The following KAZN variants were observed in gnomAD, a reference collection of about 807,000 sequenced individuals.
The protein encoded by KAZN is kazrin.
KAZN carries 40 observed loss-of-function variants against 87.4 expected under a neutral mutation model. The ratio of observed to expected loss-of-function variants is 0.46; its 90% CI spans 0.36 to 0.60. KAZN has a LOEUF of 0.60. KAZN is among the 20% of genes least tolerant of loss of function. KAZN has a pLI of 0.00. For synonymous variants in KAZN, 466 were observed against 458.3 expected (o/e 1.02, Z -0.22); for missense variants, 898 against 1,073.9 (o/e 0.84, Z 2.29).
intron 2 of KAZN, among the ~76,000 whole-genome samples, chr1:14,204,760 G>A (rs940024376): frequency 2.6e-5 from 4 of 152,322 alleles, no homozygotes; most frequent in Admixed American, 6.5e-5. Context: ...ATGTAGAGTC[G>A]CAAAGTTATG....
intron 1 of KAZN, among the ~76,000 whole-genome samples, chr1:14,055,887 G>A (rs1642531812): frequency 6.6e-6 from 1 of 152,130 alleles, no homozygotes; most frequent in African/African-American, 2.4e-5. Context: ...CAATGTCTGG[G>A]GGAAAAATGC....
At chr1:14,096,386 G>T (rs1299748058) in intron 1 of KAZN, among the ~76,000 whole-genome samples, 1 of 152,148 alleles carries the variant, frequency 6.6e-6, no homozygotes, top group Non-Finnish European at 1.5e-5. Flanking sequence ...ACCTCCCGGG[G>T]GCTTAAGAGT....
At chr1:14,951,992 G>C (rs996173249) in intron 1 of KAZN, among the ~76,000 whole-genome samples, 14 of 152,166 alleles carry the variant, frequency 9.2e-5, no homozygotes, top group Non-Finnish European at 1.9e-4. Flanking sequence ...ACCTGGGCTT[G>C]ATCCCGTGCC....
At chr1:14,466,168 C>T (rs971262433) in intron 2 of KAZN, among the ~76,000 whole-genome samples, 1 of 152,152 alleles carries the variant, frequency 6.6e-6, no homozygotes, top group Non-Finnish European at 1.5e-5. Flanking sequence ...CACATGACTA[C>T]ACAAGAATTA....
chr1:14,409,873 C>A (rs889103635), intron 2 of KAZN, among the ~76,000 whole-genome samples: 2 of 152,102 alleles, frequency 1.3e-5, no homozygotes, highest in Non-Finnish European at 2.9e-5. Context: ...CAGAATATAA[C>A]AGATACTCTA....
chr1:14,504,088 T>G (rs1477664722), intron 2 of KAZN, among the ~76,000 whole-genome samples: 1 of 152,220 alleles, frequency 6.6e-6, no homozygotes, highest in Non-Finnish European at 1.5e-5. Context: ...TGACTCACTC[T>G]AATCCAGACC....
chr1:15,034,797 T>A lies in KAZN; in HGVS notation c.467T>A (p.Val156Glu), dbSNP rs1314766217. 1 of 1,613,948 alleles carries A rather than the reference T, an allele frequency of 6.2e-7. No individual in the cohort carries two copies. The highest frequency in any genetic ancestry group is 2.2e-5 in the East Asian group (1 of 44,890). ...TTAAAGGGCGAGAAGACAGACCTGG[T>A]GAGCCAGATGCAGCAGCTGTATGCC... ...KRLKGEKTDLVSQMQQLYATL... is the reference protein window; with the variant it reads ...KRLKGEKTDLESQMQQLYATL... Residue 156 changes from valine to glutamate, a missense_variant, in exon 3 of 15, where the codon GTG becomes GAG. Val to Glu is a moderately radical substitution (Grantham distance 121). Transcript: ENST00000376030.
At chr1:15,011,307 A>G (rs1669551921) in intron 2 of KAZN, among the ~76,000 whole-genome samples, 1 of 152,234 alleles carries the variant, frequency 6.6e-6, no homozygotes, top group African/African-American at 2.4e-5. Context: ...TCTAAATCCC[A>G]GGGCTCCTGG....
intron 1 of KAZN, among the ~76,000 whole-genome samples, chr1:13,963,799 GTGTGT>G (rs1641845699): frequency 7.0e-6 from 1 of 143,868 alleles, no homozygotes; most frequent in Non-Finnish European, 1.5e-5. Flanking sequence ...GTGTGTGTGT[GTGTGT>G]AGGGGTAGTG....
intron 2 of KAZN, among the ~76,000 whole-genome samples, chr1:14,983,916 T>C (rs1666516825): frequency 6.6e-6 from 1 of 152,040 alleles, no homozygotes; most frequent in South Asian, 2.1e-4. Context: ...CACTCCAGCC[T>C]GGGCAACAAG....
At chr1:14,638,648 A>C (rs2148671454) in intron 1 of KAZN, among the ~76,000 whole-genome samples, 1 of 151,964 alleles carries the variant, frequency 6.6e-6, no homozygotes, top group Non-Finnish European at 1.5e-5. Flanking sequence ...CGCAGTGGGA[A>C]ATGACCGTGT....
chr1:14,146,579 A>T (rs189833241), intron 1 of KAZN, among the ~76,000 whole-genome samples: 134 of 151,404 alleles, frequency 8.9e-4, no homozygotes, highest in African/African-American at 2.9e-3. Flanking sequence ...AAAGAAAGAA[A>T]GAAGATGTGG....
chr1:14,844,014 G>A (rs530795932), intron 1 of KAZN, among the ~76,000 whole-genome samples: 30 of 152,274 alleles, frequency 2.0e-4, no homozygotes, highest in South Asian at 6.2e-4. Flanking sequence ...GGAGTTTTAC[G>A]CCTCTCCCTC....
intron 1 of KAZN, among the ~76,000 whole-genome samples, chr1:14,858,676 T>C (rs1650463573): frequency 6.6e-6 from 1 of 152,196 alleles, no homozygotes; most frequent in East Asian, 1.9e-4. Context: ...AACTAAGTAT[T>C]GGCATTGCTA....
chr1:14,460,016 C>A (rs535614198), intron 2 of KAZN, among the ~76,000 whole-genome samples: 1 of 152,238 alleles, frequency 6.6e-6, no homozygotes, highest in Non-Finnish European at 1.5e-5. Context: ...AATAGCAAAT[C>A]AGTATTCCCT....
upstream of KAZN, among the ~76,000 whole-genome samples, chr1:14,596,308 G>GCGCACACACACA (rs1491581024): frequency 3.0e-4 from 45 of 150,302 alleles, no homozygotes; most frequent in African/African-American, 1.1e-3. Context: ...ACACGTGTGC[G>GCGCACACACACA]CACACACACA....
chr1:14,319,547 C>T (rs1440022442), intron 2 of KAZN, among the ~76,000 whole-genome samples: 2 of 152,146 alleles, frequency 1.3e-5, no homozygotes, highest in Non-Finnish European at 2.9e-5. Flanking sequence ...TGTAGAGCCC[C>T]GTTCTCTCCC....
chr1:14,079,448 A>C (rs1246309312), intron 1 of KAZN, among the ~76,000 whole-genome samples: 1 of 152,222 alleles, frequency 6.6e-6, no homozygotes, highest in Non-Finnish European at 1.5e-5. Context: ...TTTTGGAAAA[A>C]ATCAGACTCA....
At chr1:13,959,682 A>C (rs74454038) in intron 1 of KAZN, among the ~76,000 whole-genome samples, 5,220 of 152,164 alleles carry the variant, frequency 0.034, 261 homozygotes, top group East Asian at 0.13. Context: ...TAGATCACAG[A>C]TGCTTCTTTC....
Sources: gnomAD v4.1 joint callset for allele counts (sites outside exome capture counted in the v4.1 genomes callset) on GRCh38, gnomAD v4.1.1 for gene constraint, MANE v1.5 for transcripts, NCBI Gene and HGNC (gene_info 2026-07-23, HGNC 2026-07-21) for gene names.